Variants in PRRC2B observed in about 807,000 individuals in gnomAD.
PRRC2B encodes protein PRRC2B.
PRRC2B carries 68 observed loss-of-function variants against 242.3 expected under a neutral mutation model. That is an observed-to-expected ratio of 0.28 (90% CI 0.23 to 0.34). The LOEUF is 0.34. PRRC2B is among the 10% of genes least tolerant of loss of function. PRRC2B has a pLI of 1.00. For synonymous variants in PRRC2B, 1,228 were observed against 1,173.6 expected, an observed-to-expected ratio of 1.05 and a Z score of -0.95; for missense variants, 2,835 against 2,954.8, an observed-to-expected ratio of 0.96 and a Z score of 0.94.
At chr9:131,430,351 G>A (rs1209810566) in intron 2 of PRRC2B, 92 bp downstream of exon 2, 8 of 741,516 alleles carry the variant, frequency 1.1e-5, no homozygotes, top group Non-Finnish European at 1.9e-5. Flanking sequence ...AGACAGATGT[G>A]GTCCGTGCAC....
chr9:131,447,974 T>A, intron 9 of PRRC2B, 170 bp downstream of exon 9: 2 of 567,648 alleles, frequency 3.5e-6, no homozygotes, highest in Non-Finnish European at 5.6e-6. Flanking sequence ...ACTCCCTGAC[T>A]AGAGGTTCCT....
chr9:131,381,814 A>G (rs930293946), intron 1 of PRRC2B, among the ~76,000 whole-genome samples: 1 of 151,352 alleles, frequency 6.6e-6, no homozygotes, highest in African/African-American at 2.4e-5. Flanking sequence ...ATCCCAGCTC[A>G]CTGCAACCTC....
intron 1 of PRRC2B, among the ~76,000 whole-genome samples, chr9:131,399,765 C>G (rs1381561974): frequency 6.6e-6 from 1 of 151,968 alleles, no homozygotes; most frequent in African/African-American, 2.4e-5. Flanking sequence ...CTTGCTTTTC[C>G]CCTTTTAATG....
At chr9:131,437,170 C>A (rs908408754) in intron 4 of PRRC2B, among the ~76,000 whole-genome samples, 1 of 152,180 alleles carries the variant, frequency 6.6e-6, no homozygotes, top group Non-Finnish European at 1.5e-5. Context: ...TACTGCGGTA[C>A]TTCTCAGTGC....
chr9:131,491,347 T>C lies in PRRC2B; in HGVS notation c.6226-78T>C, dbSNP rs191413655. On this transcript the variant is annotated intron_variant, in intron 28 of 31. Coordinates refer to ENST00000683519, the MANE Select transcript of PRRC2B (RefSeq NM_013318.4). ...CTGAAGTGTATGAATCTGAAGTGCA[T>C]GTGCGGTCGCTCTTTGGTGCGTTTG... 138 of 1,370,932 alleles carry C rather than the reference T, an allele frequency of 1.0e-4. No individual in the cohort carries two copies. In the East Asian group the frequency reaches 3.3e-3, roughly 33 times the overall value. 84.9% of individuals were successfully genotyped at this position (1,370,932 alleles called of 1,614,324 possible).
rs1200268471 is a variant in PRRC2B, at chr9:131,482,983, T to TG, written c.5373+79dup. On this transcript the variant is annotated intron_variant, in intron 22 of 31. Transcript: ENST00000683519. The surrounding 1 kb of genome is among the most constrained non-coding windows in gnomAD (Gnocchi z 5.2). ...TACTTGGAGAGGCTGGGGGCTCAGA[T>TG]GGGATTGTCTCCTAGAAGGAATAGA... The TG allele has an allele frequency of 6.7e-7, 1 of 1,495,330 alleles. No homozygotes were observed. Among genetic ancestry groups the TG allele is most frequent in the African/African-American group, 1.4e-5 (1 of 71,828 alleles). The allele number at this position is 1,495,330 out of a possible 1,614,324, so 92.6% of individuals were successfully genotyped here. A position where few individuals can be genotyped will look rare whatever the true frequency, so the allele number is the denominator to read the frequency against.
At chr9:131,489,184 C>CTTTTTTT (rs558036228) in intron 28 of PRRC2B, among the ~76,000 whole-genome samples, 1 of 131,646 alleles carries the variant, frequency 7.6e-6, no homozygotes, top group African/African-American at 2.9e-5. Flanking sequence ...CTCCAAAATT[C>CTTTTTTT]TTTTTTTTTT....
chr9:131,446,398 C>T lies in PRRC2B; in HGVS notation c.614-3C>T, dbSNP rs762515504. 2.2e-5 allele frequency: 36 copies of T among 1,613,646 alleles called. No homozygotes were observed. The highest frequency in any genetic ancestry group is 3.0e-5 in the Non-Finnish European group (35 of 1,179,804). On this transcript the variant is annotated splice_region_variant and splice_polypyrimidine_tract_variant and intron_variant, in intron 6 of 31. Transcript: ENST00000683519. This position sits in a 1 kb window ranked among gnomAD's most constrained non-coding sequence, Gnocchi z 4.1. ...TCCCCTTTTGCCCCCTTTCAATTTCCAGATGTGACAAGCTGGAGGGAGGGC... is the reference window on the plus strand; with the variant it reads ...TCCCCTTTTGCCCCCTTTCAATTTCTAGATGTGACAAGCTGGAGGGAGGGC...
At chr9:131,430,059 T>C in intron 1 of PRRC2B, 35 bp from the exon 2 acceptor site, 1 of 669,734 alleles carries the variant, frequency 1.5e-6, no homozygotes. Flanking sequence ...TTTTTCTCTC[T>C]CTTTTTTTTT....
intron 4 of PRRC2B, among the ~76,000 whole-genome samples, chr9:131,437,998 C>T (rs1838429197): frequency 6.6e-6 from 1 of 152,166 alleles, no homozygotes; most frequent in African/African-American, 2.4e-5. Flanking sequence ...AAGGGGAACC[C>T]ATCCTGGCAC....
intron 1 of PRRC2B, among the ~76,000 whole-genome samples, chr9:131,379,549 T>C (rs548028511): frequency 6.6e-6 from 1 of 152,154 alleles, no homozygotes; most frequent in East Asian, 1.9e-4. Context: ...GCTGGTGATA[T>C]TGAGCATCTT....
At chr9:131,481,617 G>C in intron 19 of PRRC2B, 109 bp from the exon 20 acceptor site, 1 of 863,264 alleles carries the variant, frequency 1.2e-6, no homozygotes, top group South Asian at 1.4e-5. Flanking sequence ...AGGGGAGGCA[G>C]GGGAGTTGGA....
chr9:131,380,077 C>G (rs1383525990), intron 1 of PRRC2B, among the ~76,000 whole-genome samples: 3 of 150,404 alleles, frequency 2.0e-5, no homozygotes, highest in African/African-American at 7.3e-5. Context: ...ACTGCAACCT[C>G]TGCCTCCTGG....
intron 1 of PRRC2B, among the ~76,000 whole-genome samples, chr9:131,412,787 C>CTT: frequency 9.7e-6 from 1 of 103,366 alleles, no homozygotes; most frequent in Non-Finnish European, 2.1e-5. Flanking sequence ...TCAAAGCATT[C>CTT]TCTCTCTCTC....
intron 31 of PRRC2B, among the ~76,000 whole-genome samples, chr9:131,495,258 A>C (rs944611927): frequency 6.6e-6 from 1 of 150,948 alleles, no homozygotes; most frequent in Admixed American, 6.6e-5. Flanking sequence ...CAGAGTGGGA[A>C]TGGTGGGGGG....
rs1471274770 is a variant in PRRC2B, at chr9:131,432,008, G to C, written c.116-609G>C. Among the ~76,000 whole-genome samples, 3 of 151,614 alleles carry C rather than the reference G, an allele frequency of 2.0e-5. No individual in the cohort carries two copies. The East Asian group carries it at 5.8e-4, about 29-fold the overall frequency. The stretch of plus-strand genomic sequence containing the variant: ...AGGGTTTTGTCACATTGCCCAGGCT[G>C]GTCTCGAACTCCTGGGCTCAAGCGA... On this transcript the variant is annotated intron_variant, in intron 2 of 31. Coordinates refer to ENST00000683519, the MANE Select transcript of PRRC2B (RefSeq NM_013318.4).
chr9:131,462,709 A>G (rs1461151144), intron 11 of PRRC2B, among the ~76,000 whole-genome samples: 1 of 151,390 alleles, frequency 6.6e-6, no homozygotes, highest in Non-Finnish European at 1.5e-5. Flanking sequence ...GTGGTGCCGC[A>G]CGCCGGTATT....
intron 1 of PRRC2B, among the ~76,000 whole-genome samples, chr9:131,378,623 C>T (rs1025277312): frequency 3.9e-5 from 6 of 152,204 alleles, no homozygotes; most frequent in Admixed American, 2.6e-4. Context: ...TGCTCTCTTC[C>T]ATTCTCTTCA....
chr9:131,461,376 G>A (rs1371385174), intron 11 of PRRC2B, among the ~76,000 whole-genome samples: 1 of 152,108 alleles, frequency 6.6e-6, no homozygotes, highest in Non-Finnish European at 1.5e-5. Flanking sequence ...TAACCATTTG[G>A]AGTGCAGTCA....
Sources: gnomAD v4.1 joint callset for allele counts (sites outside exome capture counted in the v4.1 genomes callset) on GRCh38, gnomAD v4.1.1 for gene constraint, Gnocchi (gnomAD v3.1) non-coding constraint, MANE v1.5 for transcripts, NCBI Gene and HGNC (gene_info 2026-07-23, HGNC 2026-07-21) for gene names.